SNX4: variants seen among roughly 807,000 people sequenced by gnomAD.
SNX4 encodes the protein sorting nexin 4.
Under a neutral mutation model 70.8 loss-of-function variants are expected in SNX4, and 49 were observed. The ratio of observed to expected loss-of-function variants is 0.69; its 90% CI spans 0.55 to 0.88. SNX4 has a LOEUF of 0.88. Ranked by LOEUF, SNX4 falls within the 40% of genes least tolerant of loss-of-function variation. The pLI, the probability that SNX4 is intolerant of heterozygous loss-of-function variation, is 0.00. For synonymous variants in SNX4, 206 were observed against 183.8 expected, an observed-to-expected ratio of 1.12 and a Z score of -0.98; for missense variants, 528 against 544.8, an observed-to-expected ratio of 0.97 and a Z score of 0.31.
At chr3:125,455,576 C>T (rs1442495568) in intron 11 of SNX4, among the ~76,000 whole-genome samples, 1 of 152,168 alleles carries the variant, frequency 6.6e-6, no homozygotes, top group Non-Finnish European at 1.5e-5. Flanking sequence ...TGAAAATGGC[C>T]TGGGAACTTC....
chr3:125,517,057 C>T (rs974224390), intron 1 of SNX4: 5 of 152,144 alleles, frequency 3.3e-5, no homozygotes, highest in Non-Finnish European at 5.9e-5. Flanking sequence ...TGTTTCCCCC[C>T]TTCTCACTAC....
chr3:125,500,799 C>CAAAAAAAAAAAAAAAAA (rs770336677), intron 2 of SNX4, among the ~76,000 whole-genome samples: 4 of 29,316 alleles, frequency 1.4e-4, no homozygotes, highest in African/African-American at 3.8e-4. Flanking sequence ...GACTCCGTCT[C>CAAAAAAAAAAAAAAAAA]AAAAAAAAAA....
At position 125,508,183 on chromosome 3, in the gene SNX4, A is replaced by T. The variant is rs897128673; in HGVS notation, c.142-3439T>A. 2.6e-5 allele frequency among the ~76,000 whole-genome samples: 4 copies of T among 152,224 alleles called. No homozygotes were observed. In the East Asian group the frequency reaches 7.7e-4, roughly 29 times the overall value. On this transcript the variant is annotated intron_variant, in intron 1 of 13. Transcript: ENST00000251775. ...CAAACCCTACGAAAATCCCAATGAC[A>T]TTCTTTGACATTCTTTGCAGAAATA...
chr3:125,493,990 T>C (rs1250663518), intron 5 of SNX4, among the ~76,000 whole-genome samples: 2 of 148,158 alleles, frequency 1.3e-5, no homozygotes, highest in Non-Finnish European at 1.5e-5. Context: ...TGAGCAGAGA[T>C]TGCACCACTG....
intron 9 of SNX4, among the ~76,000 whole-genome samples, chr3:125,462,615 A>G (rs577498900): frequency 2.4e-4 from 36 of 151,256 alleles, no homozygotes; most frequent in African/African-American, 7.0e-4. Flanking sequence ...AAAAAAAAAA[A>G]AGAGAGAAGA....
chr3:125,453,442 C>T (rs1367744853), intron 12 of SNX4, among the ~76,000 whole-genome samples: 1 of 152,160 alleles, frequency 6.6e-6, no homozygotes, highest in Non-Finnish European at 1.5e-5. Context: ...CTTTCCCCCA[C>T]ATTGAAACAA....
At chr3:125,480,089 AT>A (rs1259819958) in intron 7 of SNX4, among the ~76,000 whole-genome samples, 157 bp downstream of exon 7, 1 of 152,206 alleles carries the variant, frequency 6.6e-6, no homozygotes, top group African/African-American at 2.4e-5. Flanking sequence ...ACCATTGCAC[AT>A]TTTTTTAAAA....
At chr3:125,509,489 C>T (rs1187876171) in intron 1 of SNX4, among the ~76,000 whole-genome samples, 6 of 151,464 alleles carry the variant, frequency 4.0e-5, no homozygotes, top group Non-Finnish European at 5.9e-5. Flanking sequence ...TGGTGGCTCA[C>T]GCCTGTAATC....
rs150641487 is a variant in SNX4 at position 125,502,667 on chromosome 3, G to A, written c.263+1956C>T. On this transcript the variant is annotated intron_variant, in intron 2 of 13. Transcript: ENST00000251775. ...GGGTGGATCACGAGGTCAGAAATTCGAGACCAGTCTGGCCAACATGGTGAA... is the reference window on the plus strand; with the variant it reads ...GGGTGGATCACGAGGTCAGAAATTCAAGACCAGTCTGGCCAACATGGTGAA... Among the ~76,000 whole-genome samples the A allele has an allele frequency of 5.4e-3, 820 of 151,634 alleles. 9 individuals are homozygous for A. The highest frequency in any genetic ancestry group is 0.019 in the African/African-American group (779 of 41,424).
chr3:125,508,566 CAAAAAAA>C (rs564123552), intron 1 of SNX4, among the ~76,000 whole-genome samples: 1 of 98,420 alleles, frequency 1.0e-5, no homozygotes, highest in East Asian at 3.2e-4. Context: ...GACTCTGTCT[CAAAAAAA>C]AAAAAAAAGA....
intron 6 of SNX4, among the ~76,000 whole-genome samples, chr3:125,486,856 G>C (rs1453129048): frequency 6.6e-6 from 1 of 152,080 alleles, no homozygotes; most frequent in Non-Finnish European, 1.5e-5. Context: ...TTCCAGACCA[G>C]CCTGAGCAAC....
chr3:125,516,242 T>C (rs1193031572), intron 1 of SNX4, among the ~76,000 whole-genome samples: 3 of 152,184 alleles, frequency 2.0e-5, no homozygotes, highest in Non-Finnish European at 4.4e-5. Context: ...GCCAACTCAA[T>C]GGAATCTAAA....
At chr3:125,484,781 C>G (rs1934485865) in intron 6 of SNX4, among the ~76,000 whole-genome samples, 1 of 152,064 alleles carries the variant, frequency 6.6e-6, no homozygotes, top group Non-Finnish European at 1.5e-5. Context: ...CACTTGAGAC[C>G]AGCCTGAGCT....
At chr3:125,501,068 C>T (rs138225890) in intron 2 of SNX4, among the ~76,000 whole-genome samples, 1 of 151,860 alleles carries the variant, frequency 6.6e-6, no homozygotes, top group East Asian at 1.9e-4. Context: ...CAACTGTCTG[C>T]AAAACACTGA....
At chr3:125,482,172 G>A (rs545460518) in intron 6 of SNX4, among the ~76,000 whole-genome samples, 40 of 152,242 alleles carry the variant, frequency 2.6e-4, no homozygotes, top group African/African-American at 6.3e-4. Context: ...AAAGCTTCAC[G>A]ATTATGATCT....
intron 1 of SNX4, 99 bp from the exon 2 acceptor site, chr3:125,504,843 T>C: frequency 7.6e-7 from 1 of 1,318,898 alleles, no homozygotes; most frequent in South Asian, 1.6e-5. Context: ...ATTGGGTTTA[T>C]ATATTTCAAA....
chr3:125,477,446 TG>T (rs1934312350), intron 7 of SNX4, among the ~76,000 whole-genome samples: 1 of 152,158 alleles, frequency 6.6e-6, no homozygotes. Flanking sequence ...AACCTCAATA[TG>T]GTAATTAATT....
intron 11 of SNX4, among the ~76,000 whole-genome samples, chr3:125,455,689 G>A (rs1933694068): frequency 6.6e-6 from 1 of 152,194 alleles, no homozygotes; most frequent in Non-Finnish European, 1.5e-5. Context: ...GATGTAGCCA[G>A]TGGGTAATCT....
intron 5 of SNX4, among the ~76,000 whole-genome samples, chr3:125,494,543 G>A (rs1027066875): frequency 2.0e-5 from 3 of 152,142 alleles, no homozygotes; most frequent in Non-Finnish European, 2.9e-5. Flanking sequence ...AACTGTTTTA[G>A]ATTCTAAAAA....
Sources: allele counts gnomAD v4.1 joint callset (sites outside exome capture counted in the v4.1 genomes callset), GRCh38; gene constraint gnomAD v4.1.1; transcripts MANE v1.5; gene names NCBI Gene and HGNC (gene_info 2026-07-23, HGNC 2026-07-21).